DOCK6: variants seen among roughly 807,000 people sequenced by gnomAD.
DOCK6 encodes the protein dedicator of cytokinesis protein 6.
DOCK6 carries 167 observed loss-of-function variants against 230.3 expected under a neutral mutation model. The ratio of observed to expected loss-of-function variants is 0.73; its 90% CI spans 0.64 to 0.82. The LOEUF is 0.82. DOCK6 is among the 40% of genes least tolerant of loss of function. The pLI, the probability that DOCK6 is intolerant of heterozygous loss-of-function variation, is 0.00. For missense variants in DOCK6, 2,598 were observed against 2,825.8 expected, an observed-to-expected ratio of 0.92 and a Z score of 1.83; for synonymous variants, 1,148 against 1,185.0, an observed-to-expected ratio of 0.97 and a Z score of 0.64.
At chr19:11,255,862 CT>C (rs2080189082) in intron 1 of DOCK6, among the ~76,000 whole-genome samples, 1 of 152,194 alleles carries the variant, frequency 6.6e-6, no homozygotes, top group African/African-American at 2.4e-5. Flanking sequence ...TCTCGGCTCA[CT>C]GCAAGCTCCG....
chr19:11,200,871 C>A lies in DOCK6; in HGVS notation c.5832+38G>T. 1.2e-6 allele frequency: 2 copies of A among 1,613,718 alleles called. No homozygotes were observed. Among genetic ancestry groups the A allele is most frequent in the Non-Finnish European group, 1.7e-6 (2 of 1,179,762 alleles). On this transcript the variant is annotated intron_variant, in intron 45 of 47. Coordinates refer to ENST00000294618, the MANE Select transcript of DOCK6 (RefSeq NM_020812.4). This position sits in a 1 kb window ranked among gnomAD's most constrained non-coding sequence, Gnocchi z 4.3. ...AGCCAGCCTGCATGGCACCTGGAGT[C>A]CCCCGTGCGGCTTGCATCCCCCTTC...
chr19:11,232,050 CCAAA>C, intron 22 of DOCK6: 1 of 529,888 alleles, frequency 1.9e-6, no homozygotes, highest in Non-Finnish European at 2.9e-6. Context: ...CTTCACAGCC[CCAAA>C]CAAAGGCAGG....
At chr19:11,224,257 C>A (rs1342559305) in intron 24 of DOCK6, among the ~76,000 whole-genome samples, 1 of 145,776 alleles carries the variant, frequency 6.9e-6, no homozygotes, top group African/African-American at 2.5e-5. Context: ...GTCGCCCAGG[C>A]TATAGTGCAA....
intron 39 of DOCK6, among the ~76,000 whole-genome samples, chr19:11,207,512 T>C (rs1222888293): frequency 1.3e-5 from 2 of 151,990 alleles, no homozygotes; most frequent in Non-Finnish European, 2.9e-5. Context: ...TATTTTAGTA[T>C]AGAAAGTTTC....
At chr19:11,206,979 C>T (rs1373656260) in intron 39 of DOCK6, among the ~76,000 whole-genome samples, 1 of 151,934 alleles carries the variant, frequency 6.6e-6, no homozygotes, top group African/African-American at 2.4e-5. Context: ...GGATTACAGA[C>T]ACCTGCCACC....
rs371041517 is a variant in DOCK6 at position 11,222,839 on chromosome 19, G to A, written c.3136C>T (p.Arg1046Cys). 1.5e-5 allele frequency: 24 copies of A among 1,601,192 alleles called. No individual in the cohort carries two copies. The highest frequency in any genetic ancestry group is 8.0e-5 in the African/African-American group (6 of 74,890). The change falls in exon 26 of 48, where the codon CGC becomes TGC. Residue 1046 changes from arginine to cysteine, a missense_variant. Coordinates refer to ENST00000294618, the MANE Select transcript of DOCK6 (RefSeq NM_020812.4). This position sits in a 1 kb window ranked among gnomAD's most constrained non-coding sequence, Gnocchi z 4.0. ...ALLTLRMEFT[R>C]ILCSHEHYVT... ...TAGTGCTCGTGGCTGCACAGGATGC[G>A]GGTGAATTCCATGCGCAGGGTCAGC...
At chr19:11,208,561 G>A in intron 39 of DOCK6, 125 bp downstream of exon 39, 1 of 1,378,366 alleles carries the variant, frequency 7.3e-7, no homozygotes, top group Admixed American at 2.6e-5. Context: ...TTACAGGCGT[G>A]AGCCACCGCG....
chr19:11,253,304 C>A (rs1012527398), intron 2 of DOCK6, among the ~76,000 whole-genome samples: 1 of 152,122 alleles, frequency 6.6e-6, no homozygotes, highest in Non-Finnish European at 1.5e-5. Flanking sequence ...TGGCCCCACC[C>A]CTCTCAGGCG....
chr19:11,224,303 T>C (rs2079630478), intron 24 of DOCK6, among the ~76,000 whole-genome samples: 1 of 151,090 alleles, frequency 6.6e-6, no homozygotes, highest in Non-Finnish European at 1.5e-5. Context: ...CTCTGCCTCC[T>C]GGGTTCAAGC....
intron 30 of DOCK6, 36 bp from the exon 31 acceptor site, chr19:11,215,963 C>T: frequency 6.2e-7 from 1 of 1,611,922 alleles, no homozygotes; most frequent in Non-Finnish European, 8.5e-7. Flanking sequence ...CAGGCTGACT[C>T]TGCTCTTTTC....
chr19:11,238,253 G>A lies in DOCK6; in HGVS notation c.1695C>T (p.Gly565=). ...PHSLNFSSRQ[G]SVRNLAVRVQ... ...CTCGCACAGCAAGGTTGCGCACGGA[G>A]CCCTGGCGGCTGCTGAAGTTGAGGC... is the stretch of plus-strand genomic sequence containing the variant. Residue 565 remains glycine, a synonymous_variant, in exon 15 of 48, where the codon GGC becomes GGT. Coordinates refer to ENST00000294618, the MANE Select transcript of DOCK6 (RefSeq NM_020812.4). 1.9e-6 allele frequency: 3 copies of A among 1,613,234 alleles called. No homozygotes were observed. Among genetic ancestry groups the A allele is most frequent in the Non-Finnish European group, 2.5e-6 (3 of 1,179,478 alleles).
At position 11,248,120 on chromosome 19, in the gene DOCK6, T is replaced by G; in HGVS notation, c.752A>C (p.Glu251Ala). ...TTGTCCAAAGTGCTCGCGGGGTGGCTCTGGGCGGCTACAGCGTTCCACGGC... is the reference window on the plus strand; with the variant it reads ...TTGTCCAAAGTGCTCGCGGGGTGGCGCTGGGCGGCTACAGCGTTCCACGGC... ...DEAVERCSRP[E>A]PPREHFGQRI... The change falls in exon 7 of 48, where the codon GAG (glutamate) becomes GCG (alanine). Residue 251 changes from glutamate to alanine, a missense_variant. Physicochemically the swap from Glu to Ala is moderately radical, Grantham distance 107 (BLOSUM62 -1). Coordinates refer to ENST00000294618, the MANE Select transcript of DOCK6 (RefSeq NM_020812.4). The G allele has an allele frequency of 6.2e-7, 1 of 1,611,574 alleles. No homozygotes were observed. The highest frequency in any genetic ancestry group is 8.5e-7 in the Non-Finnish European group (1 of 1,178,876).
Position 11,262,498 on chromosome 19 carries a change from C to G in DOCK6, c.-58G>C, listed in dbSNP as rs1416646063. On this transcript the variant is annotated 5_prime_UTR_variant, in exon 1 of 48. Coordinates refer to ENST00000294618, the MANE Select transcript of DOCK6 (RefSeq NM_020812.4). Reference sequence around the variant, plus strand: ...CCCGGCCCCGCCGCCGCCGCCGCCTCCCGGTTCTGGGCAGCCGGGGCGGGG... The same window carrying G: ...CCCGGCCCCGCCGCCGCCGCCGCCTGCCGGTTCTGGGCAGCCGGGGCGGGG... The G allele has an allele frequency of 3.9e-6, 4 of 1,032,996 alleles. No homozygotes were observed. The highest frequency in any genetic ancestry group is 4.6e-6 in the Non-Finnish European group (4 of 861,612). 64.0% of individuals were successfully genotyped at this position (1,032,996 alleles called of 1,614,324 possible).
At position 11,223,052 on chromosome 19, in the gene DOCK6, G is replaced by A. The variant is rs752666601; in HGVS notation, c.3010C>T (p.Leu1004Phe). 80 of 1,613,632 alleles carry A rather than the reference G, an allele frequency of 5.0e-5. No individual in the cohort carries two copies. Among genetic ancestry groups the A allele is most frequent in the Non-Finnish European group, 6.4e-5 (75 of 1,179,866 alleles). Residue 1004 changes from leucine (L) to phenylalanine (F), a missense_variant, in exon 25 of 48, where the codon CTT becomes TTT. Coordinates refer to ENST00000294618, the MANE Select transcript of DOCK6 (RefSeq NM_020812.4). ...NASLAFFLSDLLSLVDRGFVF... is the reference protein window; with the variant it reads ...NASLAFFLSDFLSLVDRGFVF... Reference sequence around the variant, plus strand: ...AAGCCCCGGTCCACCAGGGACAGAAGGTCACTGAGGAAGAAAGCCAGGCTG... The same window carrying A: ...AAGCCCCGGTCCACCAGGGACAGAAAGTCACTGAGGAAGAAAGCCAGGCTG...
intron 1 of DOCK6, among the ~76,000 whole-genome samples, chr19:11,260,591 AG>A (rs1306849470): frequency 4.0e-5 from 6 of 149,558 alleles, no homozygotes; most frequent in East Asian, 2.0e-4. Flanking sequence ...AAAAAAGAAA[AG>A]GAAAAAAAAA....
At chr19:11,233,440 A>C (rs2079800200) in intron 21 of DOCK6, 74 bp from the exon 22 acceptor site, 1 of 1,524,928 alleles carries the variant, frequency 6.6e-7, no homozygotes. Flanking sequence ...CTACTCAGCT[A>C]ATCTCTGCAA....
At chr19:11,240,604 C>CA (rs2079928700) in intron 14 of DOCK6, among the ~76,000 whole-genome samples, 1 of 143,532 alleles carries the variant, frequency 7.0e-6, no homozygotes, top group African/African-American at 2.6e-5. Flanking sequence ...TTTTTTGAGA[C>CA]AGAGTCTCAC....
Position 11,236,117 on chromosome 19 carries a change from T to C in DOCK6, c.2392+229A>G. On this transcript the variant is annotated intron_variant, in intron 20 of 47. Coordinates refer to ENST00000294618, the MANE Select transcript of DOCK6 (RefSeq NM_020812.4). The surrounding 1 kb of genome is among the most constrained non-coding windows in gnomAD (Gnocchi z 5.2). ...CTGGTCTCAAACTCTCGACCTCAGG[T>C]GATCTGCCCGCCTCGGCCTCCCAAA... The C allele has an allele frequency of 1.7e-6, 1 of 571,768 alleles. No homozygotes were observed. Among genetic ancestry groups the C allele is most frequent in the South Asian group, 2.4e-5 (1 of 40,948 alleles). 35.4% of individuals were successfully genotyped at this position (571,768 alleles called of 1,614,324 possible).
Position 11,252,113 on chromosome 19 carries a change from C to T in DOCK6, c.507+6G>A. The T allele has an allele frequency of 6.3e-7, 1 of 1,586,856 alleles. No individual in the cohort carries two copies. The highest frequency in any genetic ancestry group is 8.6e-7 in the Non-Finnish European group (1 of 1,167,452). On this transcript the variant is annotated splice_donor_region_variant and intron_variant, in intron 5 of 47. Transcript: ENST00000294618. ...CTTCAGTGACCCCAGCCAGGGGCTT[C>T]CTCACCGAGTCCTCAGGGCCGGACC...
Sources: allele counts gnomAD v4.1 joint callset (sites outside exome capture counted in the v4.1 genomes callset), GRCh38; gene constraint gnomAD v4.1.1; non-coding constraint Gnocchi (gnomAD v3.1); transcripts MANE v1.5; gene names NCBI Gene and HGNC (gene_info 2026-07-23, HGNC 2026-07-21).